Variants in KMT2B observed in about 807,000 individuals in gnomAD.
The protein encoded by KMT2B is histone-lysine N-methyltransferase 2B.
Under a neutral mutation model 255.3 loss-of-function variants are expected in KMT2B, and 22 were observed. The observed-to-expected ratio is 0.09, with a 90% confidence interval of 0.06 to 0.12. The LOEUF (loss-of-function observed/expected upper bound fraction) is 0.12, where lower values mean the gene tolerates loss of function less well. KMT2B is among the 10% of genes least tolerant of loss of function. The pLI is 1.00. For missense variants in KMT2B, 3,149 were observed against 3,737.0 expected (o/e 0.84, Z 4.10); for synonymous variants, 1,730 against 1,498.1 (o/e 1.15, Z -3.57).
In KMT2B at chr19:35,733,002, C is replaced by T. The variant is rs1285258884; in HGVS notation, c.6453C>T (p.Gly2151=). Residue 2151 remains glycine, a synonymous_variant, in exon 28 of 37, where the codon GGC becomes GGT. Coordinates refer to ENST00000420124, the MANE Select transcript of KMT2B (RefSeq NM_014727.3). The surrounding 1 kb of genome is among the most constrained non-coding windows in gnomAD (Gnocchi z 4.3). ...CTAATGGCAGCCAGCCCTCCCAAGGCCTGACCGCCAGCCCAGCTGACCCCA... is the reference window on the plus strand; with the variant it reads ...CTAATGGCAGCCAGCCCTCCCAAGGTCTGACCGCCAGCCCAGCTGACCCCA... ...PLANGSQPSQ[G]LTASPADPTR... is the part of the protein sequence containing the mutation. The T allele has an allele frequency of 2.5e-6, 4 of 1,597,872 alleles. No individual in the cohort carries two copies. The highest frequency in any genetic ancestry group is 3.4e-6 in the Non-Finnish European group (4 of 1,172,972).
In KMT2B at chr19:35,727,583, G is replaced by T; in HGVS notation, c.4263G>T (p.Leu1421=). ...TGCGCCAGGTGCTCCAGGGCCTGCT[G>T]AGCTCCAAGGTGGTGGGCCCACTGC... ...GGLRQVLQGL[L]SSKVVGPLLL... The change falls in exon 16 of 37, where the codon CTG becomes CTT. Residue 1421 remains leucine (L), a synonymous_variant. Coordinates refer to ENST00000420124, the MANE Select transcript of KMT2B (RefSeq NM_014727.3). This position sits in a 1 kb window ranked among gnomAD's most constrained non-coding sequence, Gnocchi z 4.2. 6.2e-7 allele frequency: 1 copy of T among 1,605,864 alleles called. No individual in the cohort carries two copies.
chr19:35,723,944 G>C lies in KMT2B; in HGVS notation c.3271G>C (p.Asp1091His), dbSNP rs772001990. The change falls in exon 8 of 37, where the codon GAT becomes CAT. Residue 1091 changes from aspartate (D) to histidine (H), a missense_variant. Asp to His is a moderately conservative substitution (Grantham distance 81). This residue lies in a region of KMT2B where 136 missense variants were observed against 137.3 expected (regional missense o/e 0.99). Coordinates refer to ENST00000420124, the MANE Select transcript of KMT2B (RefSeq NM_014727.3). The surrounding 1 kb of genome is among the most constrained non-coding windows in gnomAD (Gnocchi z 7.5). ...KQRPSYDIFE[D>H]SDDSEPGGPP... ...GCGACCCTCCTATGATATCTTCGAG[G>C]ATTCGGATGACTCGGAGCCCGGGGG... 2.7e-5 allele frequency: 44 copies of C among 1,611,896 alleles called. No homozygotes were observed. Among genetic ancestry groups the C allele is most frequent in the Non-Finnish European group, 3.2e-5 (38 of 1,179,314 alleles).
At position 35,733,308 on chromosome 19, in the gene KMT2B, G is replaced by A. The variant is rs917714354; in HGVS notation, c.6759G>A (p.Pro2253=). 1.9e-5 allele frequency: 10 copies of A among 533,594 alleles called. No individual in the cohort carries two copies. The highest frequency in any genetic ancestry group is 1.6e-4 in the African/African-American group (6 of 37,666). 33.1% of individuals were successfully genotyped at this position (533,594 alleles called of 1,614,324 possible). A position where few individuals can be genotyped will look rare whatever the true frequency, so the allele number is the denominator to read the frequency against. The change falls in exon 28 of 37, where the codon CCG becomes CCA. Residue 2253 remains proline (P), a synonymous_variant. Coordinates refer to ENST00000420124, the MANE Select transcript of KMT2B (RefSeq NM_014727.3). This position sits in a 1 kb window ranked among gnomAD's most constrained non-coding sequence, Gnocchi z 4.3. ...TGGTCGGAGTGGTCCGCCCTGCCCC[G>A]CCCCCGCCACCCCCTCCCCTGACGC... is the stretch of plus-strand genomic sequence containing the variant. ...LPVVGVVRPA[P]PPPPPPLTLV...
Position 35,732,633 on chromosome 19 carries a change from C to T in KMT2B, c.6084C>T (p.Ser2028=), listed in dbSNP as rs1220074646. The T allele has an allele frequency of 1.2e-6, 2 of 1,611,184 alleles. No homozygotes were observed. The highest frequency in any genetic ancestry group is 1.7e-6 in the Non-Finnish European group (2 of 1,178,886). ...GGPGDSSEEE[S]SPTSRYIHFP... is the part of the protein sequence containing the mutation. The stretch of plus-strand genomic sequence containing the variant: ...CGGGGGACAGCTCCGAGGAGGAGTC[C>T]AGCCCCACCTCCCGCTACATCCACT... The change falls in exon 28 of 37, where the codon TCC becomes TCT. Residue 2028 remains serine (S), a synonymous_variant. Coordinates refer to ENST00000420124, the MANE Select transcript of KMT2B (RefSeq NM_014727.3).
At chr19:35,736,630 C>T in intron 30 of KMT2B, 60 bp from the exon 31 acceptor site, 1 of 1,595,736 alleles carries the variant, frequency 6.3e-7, no homozygotes. Flanking sequence ...CACAGCGGGG[C>T]TCAGGGGCTT....
At chr19:35,736,202 G>A (rs1025066866) in intron 30 of KMT2B, 2 of 158,726 alleles carry the variant, frequency 1.3e-5, no homozygotes, top group African/African-American at 4.9e-5. Flanking sequence ...AGTGAGCCGA[G>A]ATCACACCAT....
chr19:35,737,691 G>A lies in KMT2B; in HGVS notation c.7606G>A (p.Glu2536Lys). ...GGCCTCCCAGCACCGGGTGCTCCCT[G>A]AGGGGGCCACCTGTGATGAGGAAGA... is the stretch of plus-strand genomic sequence containing the variant. Reference protein sequence around the residue: ...FLASQHRVLPEGATCDEEEDE... With the variant: ...FLASQHRVLPKGATCDEEEDE... The change falls in exon 34 of 37, where the codon GAG becomes AAG. Residue 2536 changes from glutamate (E) to lysine (K), a missense_variant. Transcript: ENST00000420124. This position sits in a 1 kb window ranked among gnomAD's most constrained non-coding sequence, Gnocchi z 5.3. The A allele has an allele frequency of 6.3e-7, 1 of 1,583,624 alleles. No homozygotes were observed. Among genetic ancestry groups the A allele is most frequent in the Non-Finnish European group, 8.6e-7 (1 of 1,164,690 alleles).
Position 35,725,063 on chromosome 19 carries a change from G to A in KMT2B, c.3504G>A (p.Val1168=), listed in dbSNP as rs1031561603. 2 of 1,613,592 alleles carry A rather than the reference G, an allele frequency of 1.2e-6. No individual in the cohort carries two copies. The highest frequency in any genetic ancestry group is 1.7e-6 in the Non-Finnish European group (2 of 1,179,658). The change falls in exon 10 of 37, where the codon GTG becomes GTA. Residue 1168 remains valine, a synonymous_variant. Transcript: ENST00000420124. This position sits in a 1 kb window ranked among gnomAD's most constrained non-coding sequence, Gnocchi z 4.1. ...WTGKQKSPDG[V]HRVRVDFKED... ...GAAAGCAGAAGTCTCCCGATGGTGT[G>A]CACCGCGTCCGTGTGGATTTTAAGG...
In KMT2B at chr19:35,732,490, G is replaced by C. The variant is rs1308506360; in HGVS notation, c.5941G>C (p.Glu1981Gln). Residue 1981 changes from glutamate (E) to glutamine (Q), a missense_variant, in exon 28 of 37, where the codon GAG (glutamate) becomes CAG (glutamine). Coordinates refer to ENST00000420124, the MANE Select transcript of KMT2B (RefSeq NM_014727.3). ...CCTGGGCCCAGACTTCGAGGACATG[G>C]AGGTGGTGTCAGGACTGAGTGCTGC... ...EDLGPDFEDM[E>Q]VVSGLSAADL... is the part of the protein sequence containing the mutation. The C allele has an allele frequency of 6.2e-7, 1 of 1,613,782 alleles. No individual in the cohort carries two copies. The highest frequency in any genetic ancestry group is 1.7e-5 in the Admixed American group (1 of 59,998).
rs778901135 is a variant in KMT2B at position 35,725,705 on chromosome 19, T to C, written c.3790-18T>C. On this transcript the variant is annotated intron_variant, in intron 12 of 36. Coordinates refer to ENST00000420124, the MANE Select transcript of KMT2B (RefSeq NM_014727.3). This position sits in a 1 kb window ranked among gnomAD's most constrained non-coding sequence, Gnocchi z 4.1. ...CTGTGCCAGCAGGTTTCGCCATCTC[T>C]GTCTCCACATCCAACAGCACCTCCT... 3.1e-6 allele frequency: 5 copies of C among 1,612,862 alleles called. No homozygotes were observed. The highest frequency in any genetic ancestry group is 1.1e-5 in the South Asian group (1 of 90,988).
intron 8 of KMT2B, among the ~76,000 whole-genome samples, chr19:35,724,212 A>C (rs1384227225): frequency 1.3e-5 from 2 of 152,162 alleles, no homozygotes; most frequent in Non-Finnish European, 2.9e-5. Context: ...CTTAAGGGTC[A>C]TCCTAGGCCT....
chr19:35,736,393 C>T (rs1969918118), intron 30 of KMT2B: 2 of 375,560 alleles, frequency 5.3e-6, no homozygotes, highest in African/African-American at 2.0e-5. Context: ...GTATGGTACA[C>T]TGGGTTTGAG....
chr19:35,735,458 C>G (rs1247034198), intron 30 of KMT2B: 1 of 152,370 alleles, frequency 6.6e-6, no homozygotes, highest in African/African-American at 2.4e-5. Context: ...ACCTCTGGTC[C>G]TGCCTCCTTG....
At position 35,726,231 on chromosome 19, in the gene KMT2B, C is replaced by T. The variant is rs1969436579; in HGVS notation, c.3886-5C>T. ...TTTTCCCCTAACATCGCCCTGCTCC[C>T]CCAGATCTGTTCAGCCTGTGTGCGC... On this transcript the variant is annotated splice_region_variant and splice_polypyrimidine_tract_variant and intron_variant, in intron 13 of 36. Coordinates refer to ENST00000420124, the MANE Select transcript of KMT2B (RefSeq NM_014727.3). 1 of 1,611,658 alleles carries T rather than the reference C, an allele frequency of 6.2e-7. No individual in the cohort carries two copies. The highest frequency in any genetic ancestry group is 1.3e-5 in the African/African-American group (1 of 74,994).
At position 35,721,468 on chromosome 19, in the gene KMT2B, C is replaced by T. The variant is rs766349704; in HGVS notation, c.2121C>T (p.Phe707=). ...CCAACCACCTCAGCCTGCCTCGATT[C>T]GCCCCTGTGGTCACCACTCCTGTTA... ...GRTNHLSLPR[F]APVVTTPVKA... is the part of the protein sequence containing the mutation. The change falls in exon 3 of 37, where the codon TTC becomes TTT. Residue 707 remains phenylalanine (F), a synonymous_variant. Transcript: ENST00000420124. 9.9e-6 allele frequency: 16 copies of T among 1,612,700 alleles called. No homozygotes were observed. The highest frequency in any genetic ancestry group is 3.3e-4 in the Middle Eastern group (2 of 6,062).
At position 35,723,444 on chromosome 19, in the gene KMT2B, C is replaced by T. The variant is rs1969299484; in HGVS notation, c.3003-3C>T. 3 of 1,575,936 alleles carry T rather than the reference C, an allele frequency of 1.9e-6. No individual in the cohort carries two copies. Among genetic ancestry groups the T allele is most frequent in the South Asian group, 2.3e-5 (2 of 85,756 alleles). ...CCTGGTGACGTGCTGCTCCCCTCCC[C>T]AGATACCGGAAGTGTGACAAAATAG... is the stretch of plus-strand genomic sequence containing the variant. On this transcript the variant is annotated splice_polypyrimidine_tract_variant and splice_region_variant and intron_variant, in intron 6 of 36. Coordinates refer to ENST00000420124, the MANE Select transcript of KMT2B (RefSeq NM_014727.3). This position sits in a 1 kb window ranked among gnomAD's most constrained non-coding sequence, Gnocchi z 7.5.
At chr19:35,728,700 G>T in intron 19 of KMT2B, 74 bp from the exon 20 acceptor site, 1 of 1,121,930 alleles carries the variant, frequency 8.9e-7, no homozygotes, top group Non-Finnish European at 1.3e-6. Flanking sequence ...GGCGAGTTCA[G>T]GCTGGTTTGT....
Position 35,732,999 on chromosome 19 carries a change from A to C in KMT2B, c.6450A>C (p.Gln2150His), listed in dbSNP as rs774658297. The stretch of plus-strand genomic sequence containing the variant: ...TGGCTAATGGCAGCCAGCCCTCCCA[A>C]GGCCTGACCGCCAGCCCAGCTGACC... Reference protein sequence around the residue: ...PPLANGSQPSQGLTASPADPT... With the variant: ...PPLANGSQPSHGLTASPADPT... Residue 2150 changes from glutamine (Q) to histidine (H), a missense_variant, in exon 28 of 37, where the codon CAA (glutamine) becomes CAC (histidine). Around this residue, in one of 18 missense-constraint regions of KMT2B, gnomAD observed 897 missense variants for 825.3 expected, o/e 1.09. Transcript: ENST00000420124. The C allele has an allele frequency of 6.3e-7, 1 of 1,598,360 alleles. No homozygotes were observed. The highest frequency in any genetic ancestry group is 8.5e-7 in the Non-Finnish European group (1 of 1,173,268).
chr19:35,727,096 G>C lies in KMT2B; in HGVS notation c.4004-60G>C, dbSNP rs371915125. 1.0e-5 allele frequency: 12 copies of C among 1,201,392 alleles called. No homozygotes were observed. The highest frequency in any genetic ancestry group is 1.3e-5 in the South Asian group (1 of 75,120). 74.4% of individuals were successfully genotyped at this position (1,201,392 alleles called of 1,614,324 possible). A position where few individuals can be genotyped will look rare whatever the true frequency, so the allele number is the denominator to read the frequency against. ...AAGGTACTGCTAATCCTTGAACAGA[G>C]ACACTCAGGGCTGAGTGGGAACTCC... On this transcript the variant is annotated intron_variant, in intron 14 of 36. Transcript: ENST00000420124. This position sits in a 1 kb window ranked among gnomAD's most constrained non-coding sequence, Gnocchi z 4.2.
Sources: gnomAD v4.1 joint callset for allele counts (sites outside exome capture counted in the v4.1 genomes callset) on GRCh38, gnomAD v4.1.1 for gene constraint, gnomAD v4.1.1 regional missense constraint, Gnocchi (gnomAD v3.1) non-coding constraint, MANE v1.5 for transcripts, NCBI Gene and HGNC (gene_info 2026-07-23, HGNC 2026-07-21) for gene names.